DOCK1: variants seen among roughly 807,000 people sequenced by gnomAD.
DOCK1 encodes dedicator of cytokinesis protein 1.
Under a neutral mutation model 262.7 loss-of-function variants are expected in DOCK1, and 138 were observed. That is an observed-to-expected ratio of 0.53 (90% CI 0.46 to 0.61). The LOEUF is 0.61. Among genes scored for constraint, DOCK1 ranks in the 20% least tolerant of loss-of-function variants. The probability of loss-of-function intolerance (pLI) is 0.00; values close to 1 mark genes in which losing one functional copy is unlikely to be tolerated. For synonymous variants in DOCK1, 866 were observed against 867.4 expected (o/e 1.00, Z 0.03); for missense variants, 1,908 against 2,370.7 (o/e 0.80, Z 4.05).
chr10:127,431,915 G>C (rs2069317741), intron 47 of DOCK1, among the ~76,000 whole-genome samples: 1 of 152,184 alleles, frequency 6.6e-6, no homozygotes, highest in Non-Finnish European at 1.5e-5. Flanking sequence ...ACAGCTGGAG[G>C]TGAGCGGCGG....
chr10:127,152,877 G>A (rs184587320), intron 27 of DOCK1, among the ~76,000 whole-genome samples: 25 of 152,240 alleles, frequency 1.6e-4, no homozygotes, highest in Admixed American at 1.2e-3. Context: ...AAGGAACCTG[G>A]GCCCTATCTG....
In DOCK1 at chr10:127,404,446, C is replaced by A. The variant is rs752936807; in HGVS notation, c.4122+17C>A. 1 of 1,606,082 alleles carries A rather than the reference C, an allele frequency of 6.2e-7. No homozygotes were observed. The highest frequency in any genetic ancestry group is 2.2e-5 in the East Asian group (1 of 44,758). On this transcript the variant is annotated intron_variant, in intron 40 of 51. Transcript: ENST00000623213. The stretch of plus-strand genomic sequence containing the variant: ...TTCCTGCGGGTAAAGTTTGGTTCTG[C>A]CTAATCTGAGCCATGATTGTTCCCC...
In DOCK1 at chr10:127,423,657, C is replaced by G. The variant is rs940040902; in HGVS notation, c.4777-2217C>G. ...ATACATATTTCTCTTTTGAAATGTA[C>G]GAAGATGAAAGGCTGAACTCAGCCA... On this transcript the variant is annotated intron_variant, in intron 46 of 51. Coordinates refer to ENST00000623213, the MANE Select transcript of DOCK1 (RefSeq NM_001290223.2). Among the ~76,000 whole-genome samples, 3 of 152,106 alleles carry G rather than the reference C, an allele frequency of 2.0e-5. No individual in the cohort carries two copies. The South Asian group carries it at 6.2e-4, about 32-fold the overall frequency.
rs2065736881 is a variant in DOCK1, at chr10:127,379,975, A to G, written c.3676-107A>G. The G allele has an allele frequency of 5.2e-6, 4 of 774,774 alleles. No individual in the cohort carries two copies. The East Asian group carries it at 8.2e-5, about 16-fold the overall frequency. The allele number at this position is 774,774 out of a possible 1,614,324, so 48.0% of individuals were successfully genotyped here. A position where few individuals can be genotyped will look rare whatever the true frequency, so the allele number is the denominator to read the frequency against. On this transcript the variant is annotated intron_variant, in intron 35 of 51. Coordinates refer to ENST00000623213, the MANE Select transcript of DOCK1 (RefSeq NM_001290223.2). ...GGTTCTGATCCAAAGAGCTGGGTCC[A>G]TTTGGCTGTGTTTGACACAAGATGA...
At chr10:127,095,069 A>G (rs548111905) in intron 23 of DOCK1, among the ~76,000 whole-genome samples, 3 of 152,354 alleles carry the variant, frequency 2.0e-5, no homozygotes, top group Non-Finnish European at 4.4e-5. Flanking sequence ...GTTCTTGCCT[A>G]GATTACGGTA....
intron 27 of DOCK1, among the ~76,000 whole-genome samples, chr10:127,242,860 G>C (rs2059309228): frequency 6.6e-6 from 1 of 152,080 alleles, no homozygotes. Context: ...CATAATCCCG[G>C]ATTCAGTCTT....
chr10:127,137,914 T>C, intron 27 of DOCK1: 1 of 1,614,102 alleles, frequency 6.2e-7, no homozygotes, highest in Non-Finnish European at 8.5e-7. Context: ...GAGGAGTAAG[T>C]CTCCTGAGAG....
At chr10:127,075,967 G>A (rs1206406349) in intron 23 of DOCK1, among the ~76,000 whole-genome samples, 1 of 152,150 alleles carries the variant, frequency 6.6e-6, no homozygotes, top group South Asian at 2.1e-4. Context: ...CTCTTCCTAC[G>A]TGGGTCTTAT....
At position 127,066,197 on chromosome 10, in the gene DOCK1, G is replaced by T. The variant is rs11018414; in HGVS notation, c.2445+4421G>T. On this transcript the variant is annotated intron_variant, in intron 23 of 51. Coordinates refer to ENST00000623213, the MANE Select transcript of DOCK1 (RefSeq NM_001290223.2). Reference sequence around the variant, plus strand: ...TCTGCCCCAAGAGATTGTGGCTGCTGTTCCTCCCAGGTGCCCCCGCCGCCC... The same window carrying T: ...TCTGCCCCAAGAGATTGTGGCTGCTTTTCCTCCCAGGTGCCCCCGCCGCCC... Among the ~76,000 whole-genome samples the T allele has an allele frequency of 6.7e-3, 1,013 of 152,134 alleles. 5 individuals are homozygous for T. Among genetic ancestry groups the T allele is most frequent in the Middle Eastern group, 0.014 (4 of 294 alleles).
In DOCK1 at chr10:127,176,720, C is replaced by T. The variant is rs1366988924; in HGVS notation, c.2847+48956C>T. ...AAGAAACCCAATGATGCTGCCTCTT[C>T]TGCTTTGCAAATTATCTTTTCACAC... On this transcript the variant is annotated intron_variant, in intron 27 of 51. Coordinates refer to ENST00000623213, the MANE Select transcript of DOCK1 (RefSeq NM_001290223.2). The surrounding 1 kb of genome is among the most constrained non-coding windows in gnomAD (Gnocchi z 4.4). 1.3e-5 allele frequency among the ~76,000 whole-genome samples: 2 copies of T among 152,240 alleles called. No homozygotes were observed. Among genetic ancestry groups the T allele is most frequent in the Non-Finnish European group, 2.9e-5 (2 of 68,046 alleles).
Position 127,175,866 on chromosome 10 carries a change from GA to G in DOCK1, c.2847+48104del. The stretch of plus-strand genomic sequence containing the variant: ...GTCCACTGTGTTCATGTGTTGGTTG[GA>G]ATGGAAAACCAAGGCTGTGGTCTTG... On this transcript the variant is annotated intron_variant, in intron 27 of 51. Transcript: ENST00000623213. This position sits in a 1 kb window ranked among gnomAD's most constrained non-coding sequence, Gnocchi z 6.3. 1 of 1,614,168 alleles carries G rather than the reference GA, an allele frequency of 6.2e-7. No homozygotes were observed.
intron 1 of DOCK1, among the ~76,000 whole-genome samples, chr10:126,923,516 C>T (rs1316671969): frequency 2.0e-5 from 3 of 151,942 alleles, no homozygotes; most frequent in Admixed American, 6.6e-5. Context: ...CCCAGGTACT[C>T]GGGAGGCTGA....
chr10:127,172,293 C>T (rs2054647132), intron 27 of DOCK1, among the ~76,000 whole-genome samples: 3 of 152,080 alleles, frequency 2.0e-5, no homozygotes, highest in Admixed American at 6.5e-5. Context: ...AAATTGGCCA[C>T]GGTAGCAGTA....
chr10:127,211,368 C>T (rs2057964613), intron 27 of DOCK1, among the ~76,000 whole-genome samples: 1 of 152,192 alleles, frequency 6.6e-6, no homozygotes, highest in Admixed American at 6.5e-5. Flanking sequence ...CAGCCATGCT[C>T]CTAATACCCC....
intron 1 of DOCK1, among the ~76,000 whole-genome samples, chr10:126,920,056 C>T (rs965753360): frequency 6.6e-6 from 1 of 152,138 alleles, no homozygotes; most frequent in Non-Finnish European, 1.5e-5. Context: ...CTCCCTCCAC[C>T]CCGGCTGTGG....
At chr10:126,949,268 G>C (rs2035956657) in intron 1 of DOCK1, among the ~76,000 whole-genome samples, 1 of 152,140 alleles carries the variant, frequency 6.6e-6, no homozygotes, top group Non-Finnish European at 1.5e-5. Context: ...TCCCTGTGGG[G>C]AATGGGGAGC....
At chr10:126,939,345 A>C (rs1246806139) in intron 1 of DOCK1, among the ~76,000 whole-genome samples, 4 of 152,180 alleles carry the variant, frequency 2.6e-5, no homozygotes, top group Non-Finnish European at 4.4e-5. Context: ...GCTTTGTACT[A>C]AATTTTGAAA....
chr10:127,023,393 GC>G (rs1272875720), intron 14 of DOCK1, 69 bp downstream of exon 14: 2 of 1,593,648 alleles, frequency 1.3e-6, no homozygotes, highest in African/African-American at 2.7e-5. Flanking sequence ...CCTTGGCTCT[GC>G]TACAGCATAG....
intron 27 of DOCK1, among the ~76,000 whole-genome samples, chr10:127,231,791 T>C (rs2058850621): frequency 6.6e-6 from 1 of 152,238 alleles, no homozygotes; most frequent in African/African-American, 2.4e-5. Flanking sequence ...TTTCTTTGCC[T>C]TTTAATGTTC....
Sources: gnomAD v4.1 joint callset for allele counts (sites outside exome capture counted in the v4.1 genomes callset) on GRCh38, gnomAD v4.1.1 for gene constraint, Gnocchi (gnomAD v3.1) non-coding constraint, MANE v1.5 for transcripts, NCBI Gene and HGNC (gene_info 2026-07-23, HGNC 2026-07-21) for gene names.